RASGRP3: variants seen among roughly 807,000 people sequenced by gnomAD.
The protein encoded by RASGRP3 is ras guanyl-releasing protein 3.
In RASGRP3, 54 loss-of-function variants were observed where a neutral mutation model predicts 82.7. That is an observed-to-expected ratio of 0.65 (90% CI 0.52 to 0.82). The LOEUF is 0.82. Ranked by LOEUF, RASGRP3 falls within the 40% of genes least tolerant of loss-of-function variation. The pLI is 0.00. For missense variants in RASGRP3, 861 were observed against 828.9 expected (o/e 1.04, Z -0.48); for synonymous variants, 309 against 300.5 (o/e 1.03, Z -0.29).
At chr2:33,441,781 A>G (rs1665238253) in intron 1 of RASGRP3, among the ~76,000 whole-genome samples, 1 of 152,236 alleles carries the variant, frequency 6.6e-6, no homozygotes, top group Admixed American at 6.5e-5. Flanking sequence ...AATACACAAT[A>G]TATTTTTTAG....
intron 2 of RASGRP3, among the ~76,000 whole-genome samples, chr2:33,452,967 G>A (rs1023708507): frequency 3.3e-5 from 5 of 152,136 alleles, no homozygotes; most frequent in East Asian, 1.9e-4. Context: ...AAGTGGGCCC[G>A]ATGCTGTGGT....
upstream of RASGRP3, among the ~76,000 whole-genome samples, chr2:33,471,685 A>G (rs1448326115): frequency 6.6e-6 from 1 of 152,102 alleles, no homozygotes; most frequent in Non-Finnish European, 1.5e-5. Flanking sequence ...AGTAATCTGA[A>G]CTAAGAGCTT....
At chr2:33,543,873 C>T (rs1256581088) in intron 13 of RASGRP3, among the ~76,000 whole-genome samples, 1 of 152,154 alleles carries the variant, frequency 6.6e-6, no homozygotes, top group Non-Finnish European at 1.5e-5. Flanking sequence ...CCAAGCACTC[C>T]ATTTGCTATA....
At chr2:33,458,400 G>T (rs1401023720) in intron 2 of RASGRP3, among the ~76,000 whole-genome samples, 1 of 152,188 alleles carries the variant, frequency 6.6e-6, no homozygotes, top group Non-Finnish European at 1.5e-5. Flanking sequence ...TTTAGAGCGT[G>T]TTGGCTGGTG....
In RASGRP3 at chr2:33,562,737, A is replaced by ACTT; in HGVS notation, c.*2_*4dup. ...TCCAATTTGTGTTTCAGGATGGCTG[A>ACTT]CTTCAGGCTGCGGAAACTGAAGGCA... On this transcript the variant is annotated 3_prime_UTR_variant, in exon 18 of 18. Coordinates refer to ENST00000403687, the MANE Select transcript of RASGRP3 (RefSeq NM_001139488.2). The ACTT allele has an allele frequency of 6.2e-7, 1 of 1,613,620 alleles. No individual in the cohort carries two copies. Among genetic ancestry groups the ACTT allele is most frequent in the Non-Finnish European group, 8.5e-7 (1 of 1,179,542 alleles).
At chr2:33,552,466 A>G (rs763658624) in intron 14 of RASGRP3, among the ~76,000 whole-genome samples, 1 of 152,180 alleles carries the variant, frequency 6.6e-6, no homozygotes, top group Non-Finnish European at 1.5e-5. Context: ...AAATTTTTAC[A>G]GCTGTTTTTG....
At chr2:33,468,896 G>A (rs1156312954) in intron 2 of RASGRP3, among the ~76,000 whole-genome samples, 1 of 151,584 alleles carries the variant, frequency 6.6e-6, no homozygotes, top group African/African-American at 2.4e-5. Context: ...TGAGTTAAAG[G>A]GTATTCACAT....
chr2:33,559,475 CA>C (rs1245278023), intron 17 of RASGRP3, among the ~76,000 whole-genome samples: 1 of 152,108 alleles, frequency 6.6e-6, no homozygotes, highest in Non-Finnish European at 1.5e-5. Context: ...AAGCTTTTGA[CA>C]GCATCATGGA....
intron 2 of RASGRP3, among the ~76,000 whole-genome samples, chr2:33,512,365 T>A (rs1424465459): frequency 2.6e-5 from 4 of 152,238 alleles, no homozygotes; most frequent in Admixed American, 2.6e-4. Flanking sequence ...CTATTTGTTC[T>A]AAGTAATATG....
rs564758640 is a variant in RASGRP3 at position 33,524,042 on chromosome 2, A to T, written c.680A>T (p.Asn227Ile). 5 of 1,613,836 alleles carry T rather than the reference A, an allele frequency of 3.1e-6. No homozygotes were observed. The highest frequency in any genetic ancestry group is 4.2e-6 in the Non-Finnish European group (5 of 1,179,776). The change falls in exon 8 of 18, where the codon AAT becomes ATT. Residue 227 changes from asparagine (N) to isoleucine (I), a missense_variant. Transcript: ENST00000403687. ...QRAEVITKFI[N>I]VAKKLLQLKN... The stretch of plus-strand genomic sequence containing the variant: ...GCAGAAGTCATCACAAAGTTTATCA[A>T]TGTTGCAAAGGTATGTCTGGTAATC...
chr2:33,470,378 GA>G, intron 2 of RASGRP3, among the ~76,000 whole-genome samples: 1 of 109,342 alleles, frequency 9.1e-6, no homozygotes, highest in East Asian at 2.5e-4. Flanking sequence ...CTATAACTAA[GA>G]ATTTTTTTTT....
At chr2:33,560,046 T>G (rs1676475122) in intron 17 of RASGRP3, among the ~76,000 whole-genome samples, 1 of 152,230 alleles carries the variant, frequency 6.6e-6, no homozygotes, top group Non-Finnish European at 1.5e-5. Context: ...ACATCCACTT[T>G]TAAAAACAGC....
chr2:33,466,350 C>A (rs1361433168), intron 2 of RASGRP3, among the ~76,000 whole-genome samples: 1 of 152,168 alleles, frequency 6.6e-6, no homozygotes, highest in Non-Finnish European at 1.5e-5. Context: ...GAAGTTTACC[C>A]CAACCCTCAT....
At chr2:33,500,939 AT>A (rs1301000436) in intron 1 of RASGRP3, among the ~76,000 whole-genome samples, 9 of 150,464 alleles carry the variant, frequency 6.0e-5, no homozygotes, top group Admixed American at 5.9e-4. Context: ...TCTCAAAAAA[AT>A]AAATAAATAA....
At chr2:33,557,964 G>C (rs1183727795) in intron 15 of RASGRP3, among the ~76,000 whole-genome samples, 1 of 152,104 alleles carries the variant, frequency 6.6e-6, no homozygotes, top group Non-Finnish European at 1.5e-5. Flanking sequence ...TTGCTCATTA[G>C]GTCCTCAATT....
intron 9 of RASGRP3, 111 bp downstream of exon 9, chr2:33,524,659 C>G: frequency 1.3e-6 from 1 of 784,922 alleles, no homozygotes; most frequent in Non-Finnish European, 2.0e-6. Flanking sequence ...TCCTCTTAAA[C>G]CAGTGGTAGG....
intron 1 of RASGRP3, chr2:33,481,370 G>A (rs1411301156): frequency 6.6e-6 from 1 of 152,032 alleles, no homozygotes; most frequent in African/African-American, 2.4e-5. Context: ...CATCATGTTA[G>A]CAGGATGGTC....
In RASGRP3 at chr2:33,562,929, C is replaced by G; in HGVS notation, c.*192C>G. ...TTGACCCTAACTAACTAACTATGAA[C>G]TATTTATTTCCTCCTCCCCTACCCC... On this transcript the variant is annotated 3_prime_UTR_variant, in exon 18 of 18. Transcript: ENST00000403687. 1.5e-6 allele frequency: 1 copy of G among 689,444 alleles called. No individual in the cohort carries two copies. Among genetic ancestry groups the G allele is most frequent in the East Asian group, 2.8e-5 (1 of 36,104 alleles). The allele number at this position is 689,444 out of a possible 1,614,324, so 42.7% of individuals were successfully genotyped here. A position where few individuals can be genotyped will look rare whatever the true frequency, so the allele number is the denominator to read the frequency against.
intron 4 of RASGRP3, among the ~76,000 whole-genome samples, chr2:33,517,896 T>C (rs962223641): frequency 5.2e-4 from 79 of 152,332 alleles, no homozygotes; most frequent in African/African-American, 1.9e-3. Flanking sequence ...GACATTTCTA[T>C]AAACTTTCCT....
Sources: gnomAD v4.1 joint callset for allele counts (sites outside exome capture counted in the v4.1 genomes callset) on GRCh38, gnomAD v4.1.1 for gene constraint, MANE v1.5 for transcripts, NCBI Gene and HGNC (gene_info 2026-07-23, HGNC 2026-07-21) for gene names.